OR56A3: variants seen among roughly 807,000 people sequenced by gnomAD.
OR56A3 encodes the protein olfactory receptor family 56 subfamily A member 3.
In OR56A3, 23 loss-of-function variants were observed where a neutral mutation model predicts 17.5. That is an observed-to-expected ratio of 1.32 (90% CI 0.95 to 1.87). The LOEUF (loss-of-function observed/expected upper bound fraction) is 1.87. OR56A3 is among the 40% of genes most tolerant of loss of function. OR56A3 has a pLI of 0.00. For missense variants in OR56A3, 366 were observed against 380.1 expected (o/e 0.96, Z 0.31); for synonymous variants, 175 against 150.6 (o/e 1.16, Z -1.19).
chr11:5,978,583 AG>A, the OR56A3 span, among the ~76,000 whole-genome samples: 2 of 152,000 alleles, frequency 1.3e-5, no homozygotes, highest in Non-Finnish European at 2.9e-5. Flanking sequence ...AATTTGCTGA[AG>A]TTTTTTTTAA....
At chr11:5,996,508 T>G in the OR56A3 span, among the ~76,000 whole-genome samples, 1 of 93,338 alleles carries the variant, frequency 1.1e-5, no homozygotes, top group Non-Finnish European at 2.8e-5. Flanking sequence ...CCAGTGAAGT[T>G]TTTTTTTTTT....
chr11:6,015,567 C>G, the OR56A3 span, among the ~76,000 whole-genome samples: 1 of 152,228 alleles, frequency 6.6e-6, no homozygotes, highest in East Asian at 1.9e-4. Flanking sequence ...CCTGTGAGAA[C>G]AGTGGGGGCT....
the OR56A3 span, chr11:6,000,948 T>C: frequency 6.6e-6 from 1 of 152,356 alleles, no homozygotes; most frequent in East Asian, 1.9e-4. Context: ...GGAAGTAGGA[T>C]AGTCCAGTTG....
At chr11:5,957,172 T>C in the OR56A3 span, among the ~76,000 whole-genome samples, 1 of 148,588 alleles carries the variant, frequency 6.7e-6, no homozygotes, top group Middle Eastern at 3.2e-3. Flanking sequence ...AATAAATAAA[T>C]AGAGAAAGAC....
At chr11:5,978,604 G>T in the OR56A3 span, among the ~76,000 whole-genome samples, 1 of 151,924 alleles carries the variant, frequency 6.6e-6, no homozygotes, top group Non-Finnish European at 1.5e-5. Flanking sequence ...ATCAGATTTA[G>T]GGGCCTTTAG....
intron 2 of OR56A3, among the ~76,000 whole-genome samples, chr11:5,945,370 CGA>C (rs1847862797): frequency 6.6e-6 from 1 of 151,640 alleles, no homozygotes; most frequent in Non-Finnish European, 1.5e-5. Context: ...GTCAGGAGAT[CGA>C]GACCATCCTG....
chr11:5,994,217 C>G, the OR56A3 span: 6 of 534,746 alleles, frequency 1.1e-5, no homozygotes, highest in Non-Finnish European at 2.1e-5. Flanking sequence ...TCTAAGCTGG[C>G]CTTCAGATTT....
At chr11:6,018,084 G>C in the OR56A3 span, among the ~76,000 whole-genome samples, 1 of 151,542 alleles carries the variant, frequency 6.6e-6, no homozygotes, top group African/African-American at 2.4e-5. Context: ...GTAGCACCCA[G>C]ATATATAAAG....
the OR56A3 span, among the ~76,000 whole-genome samples, chr11:5,962,101 G>C: frequency 6.6e-6 from 1 of 152,148 alleles, no homozygotes; most frequent in Non-Finnish European, 1.5e-5. Flanking sequence ...ATCATAAATG[G>C]AGTTTAAGTC....
At chr11:5,975,923 A>C in the OR56A3 span, among the ~76,000 whole-genome samples, 1 of 151,972 alleles carries the variant, frequency 6.6e-6, no homozygotes, top group Non-Finnish European at 1.5e-5. Flanking sequence ...AAATTTAAAA[A>C]AAGAAATATA....
Position 5,949,693 on chromosome 11 carries a change from G to A in OR56A3, c.*1399G>A, listed in dbSNP as rs373133273. On this transcript the variant is annotated 3_prime_UTR_variant, in exon 3 of 3. Transcript: ENST00000641160. ...CCGAATGTTTTAAATTTAACTGAAA[G>A]CATCTGAGATTAAGCCCTGTCCTAC... 1 of 152,016 alleles carries A rather than the reference G, an allele frequency of 6.6e-6. No individual in the cohort carries two copies. The highest frequency in any genetic ancestry group is 2.4e-5 in the African/African-American group (1 of 41,378). 9.4% of individuals were successfully genotyped at this position (152,016 alleles called of 1,614,324 possible). A position where few individuals can be genotyped will look rare whatever the true frequency, so the allele number is the denominator to read the frequency against.
At chr11:5,958,821 C>A in the OR56A3 span, among the ~76,000 whole-genome samples, 4 of 152,234 alleles carry the variant, frequency 2.6e-5, no homozygotes, top group East Asian at 7.7e-4. Context: ...GTGGTAATAG[C>A]CTTCTAGTCT....
At chr11:5,994,402 A>T in the OR56A3 span, 2 of 722,948 alleles carry the variant, frequency 2.8e-6, no homozygotes, top group African/African-American at 3.5e-5. Flanking sequence ...AGCTCGTCGT[A>T]TTGTTCCTGA....
the OR56A3 span, among the ~76,000 whole-genome samples, chr11:5,959,604 T>G: frequency 6.6e-6 from 1 of 152,220 alleles, no homozygotes; most frequent in African/African-American, 2.4e-5. Flanking sequence ...TAGCTCTTCA[T>G]TCTGTTAAGG....
At chr11:5,968,557 G>T in the OR56A3 span, 2 of 1,180,562 alleles carry the variant, frequency 1.7e-6, no homozygotes, top group Non-Finnish European at 2.4e-6. Flanking sequence ...ACAGGAATTA[G>T]AAATAGAAAA....
chr11:5,964,324 A>G, the OR56A3 span, among the ~76,000 whole-genome samples: 1 of 152,198 alleles, frequency 6.6e-6, no homozygotes, highest in African/African-American at 2.4e-5. Context: ...TGCCCATTGA[A>G]AAGGTAGGTA....
At chr11:6,013,569 A>T in the OR56A3 span, among the ~76,000 whole-genome samples, 102,943 of 151,652 alleles carry the variant, frequency 0.68, 35,243 homozygotes, top group East Asian at 0.94. Flanking sequence ...TGGCACCCTG[A>T]GTTTTGCTTG....
intron 1 of OR56A3, among the ~76,000 whole-genome samples, chr11:5,944,000 T>C (rs552866610): frequency 6.6e-6 from 1 of 152,316 alleles, no homozygotes; most frequent in South Asian, 2.1e-4. Flanking sequence ...TGTTCCACAC[T>C]TACAAGTTAA....
the OR56A3 span, among the ~76,000 whole-genome samples, chr11:5,968,910 G>T: frequency 9.8e-5 from 15 of 152,286 alleles, no homozygotes; most frequent in East Asian, 2.9e-3. Context: ...TAATTTAATT[G>T]CAGGGTCCTT....
Sources: gnomAD v4.1 joint callset for allele counts (sites outside exome capture counted in the v4.1 genomes callset) on GRCh38, gnomAD v4.1.1 for gene constraint, MANE v1.5 for transcripts, NCBI Gene and HGNC (gene_info 2026-07-23, HGNC 2026-07-21) for gene names.